The following SLC9A2 variants were observed in gnomAD, a reference collection of about 807,000 sequenced individuals.
SLC9A2 encodes the protein sodium/hydrogen exchanger 2.
Under a neutral mutation model 71.7 loss-of-function variants are expected in SLC9A2, and 42 were observed. That is an observed-to-expected ratio of 0.59 (90% CI 0.46 to 0.76). SLC9A2 has a LOEUF of 0.76. Among genes scored for constraint, SLC9A2 ranks in the 30% least tolerant of loss-of-function variants. SLC9A2 has a pLI of 0.00. For missense variants in SLC9A2, 829 were observed against 1,017.4 expected, an observed-to-expected ratio of 0.81 and a Z score of 2.52; for synonymous variants, 396 against 392.5, an observed-to-expected ratio of 1.01 and a Z score of -0.10.
intron 1 of SLC9A2, among the ~76,000 whole-genome samples, chr2:102,647,456 A>G (rs1676749358): frequency 6.6e-6 from 1 of 152,196 alleles, no homozygotes; most frequent in African/African-American, 2.4e-5. Context: ...AAGAGCAAAC[A>G]AATTCAAAAG....
intron 3 of SLC9A2, among the ~76,000 whole-genome samples, chr2:102,682,612 C>T (rs554504393): frequency 9.2e-4 from 140 of 152,268 alleles, no homozygotes; most frequent in Middle Eastern, 3.4e-3. Flanking sequence ...AGTTTCTTTG[C>T]TTTAGGAATT....
At chr2:102,702,828 C>A (rs1236394026) in intron 9 of SLC9A2, among the ~76,000 whole-genome samples, 2 of 152,142 alleles carry the variant, frequency 1.3e-5, no homozygotes, top group Admixed American at 1.3e-4. Flanking sequence ...TAAAAATGGA[C>A]CTCACCCTCC....
At chr2:102,673,715 T>C (rs190181528) in intron 3 of SLC9A2, among the ~76,000 whole-genome samples, 317 of 152,306 alleles carry the variant, frequency 2.1e-3, no homozygotes, top group Non-Finnish European at 3.8e-3. Context: ...TAACACTACT[T>C]TCTGGTAATG....
In SLC9A2 at chr2:102,691,469, T is replaced by C. The variant is rs571107480; in HGVS notation, c.1426-2945T>C. Among the ~76,000 whole-genome samples the C allele has an allele frequency of 1.6e-3, 250 of 152,208 alleles. 1 individual carries two copies. The highest frequency in any genetic ancestry group is 5.7e-3 in the African/African-American group (238 of 41,528). On this transcript the variant is annotated intron_variant, in intron 5 of 11. Coordinates refer to ENST00000233969, the MANE Select transcript of SLC9A2 (RefSeq NM_003048.6). ...ACACCCAGGCTCCTAGAATATAACA[T>C]CCAATGTTGGGGGCTTAATATGGCA...
In SLC9A2 at chr2:102,705,908, A is replaced by G. The variant is rs767723590; in HGVS notation, c.2040A>G (p.Leu680=). 8 of 1,606,208 alleles carry G rather than the reference A, an allele frequency of 5.0e-6. No homozygotes were observed. The highest frequency in any genetic ancestry group is 4.5e-5 in the East Asian group (2 of 44,606). ...LPKNTKLPEK[L]QKRRTISIAD... is the part of the protein sequence containing the mutation. Reference sequence around the variant, plus strand: ...AAAATACGAAGCTTCCAGAAAAGCTACAAAAGAGGAGGACTATTTCTATTG... The same window carrying G: ...AAAATACGAAGCTTCCAGAAAAGCTGCAAAAGAGGAGGACTATTTCTATTG... The change falls in exon 11 of 12, where the codon CTA becomes CTG. Residue 680 remains leucine (L), a synonymous_variant. Transcript: ENST00000233969.
intron 1 of SLC9A2, among the ~76,000 whole-genome samples, chr2:102,640,329 C>A (rs2104507543): frequency 6.6e-6 from 1 of 152,324 alleles, no homozygotes; most frequent in Non-Finnish European, 1.5e-5. Context: ...AAATTCAATT[C>A]TATTCTCACC....
chr2:102,689,231 G>T (rs1374877677), intron 5 of SLC9A2, among the ~76,000 whole-genome samples: 1 of 152,202 alleles, frequency 6.6e-6, no homozygotes, highest in Non-Finnish European at 1.5e-5. Flanking sequence ...CATGTCATGG[G>T]CTGTATTGCA....
At chr2:102,635,235 T>C (rs556709559) in intron 1 of SLC9A2, among the ~76,000 whole-genome samples, 3 of 152,314 alleles carry the variant, frequency 2.0e-5, no homozygotes, top group South Asian at 4.2e-4. Context: ...GGAGAAATGA[T>C]ACTGAAAAAT....
intron 1 of SLC9A2, among the ~76,000 whole-genome samples, chr2:102,637,133 C>T (rs1480430664): frequency 6.6e-6 from 1 of 152,226 alleles, no homozygotes; most frequent in Non-Finnish European, 1.5e-5. Flanking sequence ...CCTATACCTG[C>T]AGTCCTAACA....
intron 1 of SLC9A2, among the ~76,000 whole-genome samples, chr2:102,654,860 G>A (rs1003427591): frequency 4.6e-5 from 7 of 152,140 alleles, no homozygotes; most frequent in African/African-American, 1.7e-4. Context: ...AATACTGTAG[G>A]TATTTGTAAC....
At chr2:102,657,536 TTG>T (rs1162972665) in intron 1 of SLC9A2, 26 bp from the exon 2 acceptor site, 12 of 1,497,210 alleles carry the variant, frequency 8.0e-6, no homozygotes, top group Non-Finnish European at 1.0e-5. Flanking sequence ...ATAACCCAAG[TTG>T]TGTGTTTTTA....
chr2:102,638,557 AG>A (rs1326282014), intron 1 of SLC9A2, among the ~76,000 whole-genome samples: 1 of 152,238 alleles, frequency 6.6e-6, no homozygotes, highest in Non-Finnish European at 1.5e-5. Context: ...CGTCTGTGAA[AG>A]GTAAACTCTG....
chr2:102,677,563 G>C (rs1677365364), intron 3 of SLC9A2, among the ~76,000 whole-genome samples: 1 of 152,082 alleles, frequency 6.6e-6, no homozygotes, highest in Non-Finnish European at 1.5e-5. Flanking sequence ...TGGAGCCTAA[G>C]ACCTATCAAA....
chr2:102,702,232 T>C (rs568823231), intron 8 of SLC9A2, among the ~76,000 whole-genome samples, 174 bp from the exon 9 acceptor site: 52 of 152,334 alleles, frequency 3.4e-4, no homozygotes, highest in Admixed American at 1.2e-3. Context: ...ATGAATGATT[T>C]TGAAACTGAA....
Position 102,675,634 on chromosome 2 carries a change from G to A in SLC9A2, c.1005-7627G>A, listed in dbSNP as rs193252923. On this transcript the variant is annotated intron_variant, in intron 3 of 11. Coordinates refer to ENST00000233969, the MANE Select transcript of SLC9A2 (RefSeq NM_003048.6). ...TAGAGACTCAGACAGGAAAAAAAATGTGTGAAGATGCCTGCACACTAACTA... is the reference window on the plus strand; with the variant it reads ...TAGAGACTCAGACAGGAAAAAAAATATGTGAAGATGCCTGCACACTAACTA... Among the ~76,000 whole-genome samples, 509 of 152,178 alleles carry A rather than the reference G, an allele frequency of 3.3e-3. 1 individual carries two copies. Among genetic ancestry groups the A allele is most frequent in the Admixed American group, 6.4e-3 (98 of 15,294 alleles).
chr2:102,711,267 C>T lies in SLC9A2; in HGVS notation c.*2778C>T, dbSNP rs147923726. The T allele has an allele frequency of 6.6e-6, 1 of 152,428 alleles. No homozygotes were observed. The highest frequency in any genetic ancestry group is 1.9e-4 in the East Asian group (1 of 5,320). The allele number at this position is 152,428 out of a possible 1,614,324, so 9.4% of individuals were successfully genotyped here. A position where few individuals can be genotyped will look rare whatever the true frequency, so the allele number is the denominator to read the frequency against. ...TGCAATATTTTTGTCAAAGTGCACA[C>T]TGTACTTTCTTCTTAAAAACGTGAT... On this transcript the variant is annotated 3_prime_UTR_variant, in exon 12 of 12. Transcript: ENST00000233969.
rs116114646 is a variant in SLC9A2, at chr2:102,682,228, C to T, written c.1005-1033C>T. Among the ~76,000 whole-genome samples the T allele has an allele frequency of 9.7e-4, 147 of 152,236 alleles. 1 individual carries two copies. The highest frequency in any genetic ancestry group is 3.3e-3 in the African/African-American group (138 of 41,548). ...TCATAGTAACCGTGTCTCCTTAGACCGGACCTACCATGAGCTGTCACCAAG... is the reference window on the plus strand; with the variant it reads ...TCATAGTAACCGTGTCTCCTTAGACTGGACCTACCATGAGCTGTCACCAAG... On this transcript the variant is annotated intron_variant, in intron 3 of 11. Transcript: ENST00000233969.
At chr2:102,692,369 T>C (rs1677680745) in intron 5 of SLC9A2, among the ~76,000 whole-genome samples, 1 of 152,190 alleles carries the variant, frequency 6.6e-6, no homozygotes, top group South Asian at 2.1e-4. Flanking sequence ...GTTTGCATTA[T>C]CAAAAACATT....
At chr2:102,670,596 C>A (rs112739640) in intron 3 of SLC9A2, among the ~76,000 whole-genome samples, 1,735 of 117,170 alleles carry the variant, frequency 0.015, 33 homozygotes, top group African/African-American at 0.055. Flanking sequence ...CCCCTCCCCC[C>A]ACCAAAAAAA....
Sources: allele counts gnomAD v4.1 joint callset (sites outside exome capture counted in the v4.1 genomes callset), GRCh38; gene constraint gnomAD v4.1.1; transcripts MANE v1.5; gene names NCBI Gene and HGNC (gene_info 2026-07-23, HGNC 2026-07-21).